Variants in NBEA observed in about 807,000 individuals in gnomAD.
NBEA encodes neurobeachin.
A neutral mutation model predicts 343.4 loss-of-function variants in NBEA; 44 were observed. The ratio of observed to expected loss-of-function variants is 0.13; its 90% CI spans 0.10 to 0.16. The LOEUF (loss-of-function observed/expected upper bound fraction) is 0.16, where lower values mean the gene tolerates loss of function less well. NBEA is among the 10% of genes least tolerant of loss of function. The pLI is 1.00. For synonymous variants in NBEA, 1,175 were observed against 1,238.7 expected (o/e 0.95, Z 1.08); for missense variants, 2,555 against 3,631.3 (o/e 0.70, Z 7.62).
intron 38 of NBEA, among the ~76,000 whole-genome samples, chr13:35,380,468 T>C (rs532181736): frequency 7.9e-5 from 12 of 152,034 alleles, no homozygotes; most frequent in African/African-American, 2.9e-4. Flanking sequence ...ATAATAATAA[T>C]AATAATTTGT....
chr13:35,213,428 A>C (rs1407848860), intron 33 of NBEA, among the ~76,000 whole-genome samples: 2 of 151,340 alleles, frequency 1.3e-5, no homozygotes, highest in African/African-American at 4.8e-5. Flanking sequence ...GGTATTCTTG[A>C]TGCTTTGCAT....
intron 38 of NBEA, among the ~76,000 whole-genome samples, chr13:35,366,330 G>A (rs576505353): frequency 5.3e-5 from 8 of 151,308 alleles, no homozygotes; most frequent in African/African-American, 1.9e-4. Context: ...TTTTCTAACA[G>A]ATAACACTTA....
chr13:35,111,844 C>T (rs980249147), intron 13 of NBEA, among the ~76,000 whole-genome samples: 2 of 151,032 alleles, frequency 1.3e-5, no homozygotes, highest in African/African-American at 4.9e-5. Flanking sequence ...CTTCCTTTTG[C>T]GTGCTCACAA....
intron 40 of NBEA, among the ~76,000 whole-genome samples, chr13:35,462,936 T>A (rs2046985974): frequency 6.6e-6 from 1 of 152,038 alleles, no homozygotes; most frequent in Admixed American, 6.6e-5. Flanking sequence ...CTTCTGTGGG[T>A]GGGAGATGAA....
chr13:35,637,187 C>A (rs1329809045), intron 49 of NBEA, among the ~76,000 whole-genome samples: 7 of 152,136 alleles, frequency 4.6e-5, no homozygotes, highest in Admixed American at 2.0e-4. Context: ...ACATGACCAA[C>A]AAGTATGTGC....
intron 38 of NBEA, among the ~76,000 whole-genome samples, chr13:35,426,099 C>A (rs2044652421): frequency 6.6e-6 from 1 of 152,156 alleles, no homozygotes; most frequent in Non-Finnish European, 1.5e-5. Flanking sequence ...GACTCTTTAT[C>A]CAATTTGCCA....
chr13:35,070,554 A>G (rs755210380), intron 9 of NBEA, among the ~76,000 whole-genome samples, 165 bp from the exon 10 acceptor site: 8 of 151,774 alleles, frequency 5.3e-5, no homozygotes, highest in Non-Finnish European at 1.0e-4. Flanking sequence ...AGTGATTAGC[A>G]AAGGTATTCA....
intron 47 of NBEA, among the ~76,000 whole-genome samples, chr13:35,604,972 C>T (rs1170575494): frequency 6.6e-6 from 1 of 152,184 alleles, no homozygotes; most frequent in African/African-American, 2.4e-5. Context: ...ACATCTGCCC[C>T]ACAGGCCAGA....
At chr13:35,419,720 C>T (rs1385619168) in intron 38 of NBEA, among the ~76,000 whole-genome samples, 2 of 151,594 alleles carry the variant, frequency 1.3e-5, no homozygotes, top group African/African-American at 4.8e-5. Flanking sequence ...TCTACCCCCA[C>T]CCCCCGAAAA....
chr13:35,466,501 A>G (rs955831865), intron 40 of NBEA, among the ~76,000 whole-genome samples: 2 of 152,142 alleles, frequency 1.3e-5, no homozygotes, highest in East Asian at 3.9e-4. Flanking sequence ...TTCCATGCAA[A>G]AAAAGTTCAG....
chr13:35,556,633 A>G (rs1207293024), intron 44 of NBEA, among the ~76,000 whole-genome samples: 1 of 152,094 alleles, frequency 6.6e-6, no homozygotes, highest in African/African-American at 2.4e-5. Flanking sequence ...TAGAGATATT[A>G]CATTTTTAAA....
At chr13:35,261,897 C>A (rs2033248205) in intron 34 of NBEA, among the ~76,000 whole-genome samples, 1 of 152,218 alleles carries the variant, frequency 6.6e-6, no homozygotes, top group East Asian at 1.9e-4. Context: ...GCAGGATTAA[C>A]ACAAATAAAA....
intron 30 of NBEA, among the ~76,000 whole-genome samples, chr13:35,192,942 A>G (rs988376245): frequency 3.9e-5 from 6 of 151,966 alleles, no homozygotes; most frequent in African/African-American, 1.4e-4. Flanking sequence ...GGAAAGTCAA[A>G]ACACTAGACC....
intron 10 of NBEA, among the ~76,000 whole-genome samples, chr13:35,096,140 G>A (rs983889356): frequency 2.0e-5 from 3 of 151,088 alleles, no homozygotes; most frequent in African/African-American, 7.3e-5. Context: ...GTACCTCTTC[G>A]AAGATGGCCA....
At chr13:35,052,137 A>T (rs569545320) in intron 6 of NBEA, among the ~76,000 whole-genome samples, 4 of 152,158 alleles carry the variant, frequency 2.6e-5, no homozygotes, top group Admixed American at 2.6e-4. Context: ...AAACCTTGAA[A>T]AGTCATAAAT....
intron 1 of NBEA, among the ~76,000 whole-genome samples, chr13:35,024,364 G>C (rs913732455): frequency 2.0e-5 from 3 of 152,102 alleles, no homozygotes; most frequent in Non-Finnish European, 2.9e-5. Context: ...CCAGTAATGG[G>C]ATTGCTGGGT....
intron 31 of NBEA, among the ~76,000 whole-genome samples, chr13:35,203,127 C>T (rs2073134104): frequency 6.6e-6 from 1 of 152,090 alleles, no homozygotes; most frequent in African/African-American, 2.4e-5. Context: ...CCAGAGTAGT[C>T]CTATTATAAC....
intron 48 of NBEA, among the ~76,000 whole-genome samples, 172 bp from the exon 49 acceptor site, chr13:35,627,909 G>A (rs547666680): frequency 1.7e-4 from 26 of 151,836 alleles, no homozygotes; most frequent in African/African-American, 6.3e-4. Context: ...TACTACTGAG[G>A]TAGTATTTTT....
At chr13:35,031,481 G>A (rs1049842638) in intron 1 of NBEA, among the ~76,000 whole-genome samples, 3 of 151,482 alleles carry the variant, frequency 2.0e-5, no homozygotes, top group Non-Finnish European at 4.4e-5. Flanking sequence ...AGAGGTATTC[G>A]ATTGGTGACT....
Sources: allele counts gnomAD v4.1 joint callset (sites outside exome capture counted in the v4.1 genomes callset), GRCh38; gene constraint gnomAD v4.1.1; transcripts MANE v1.5; gene names NCBI Gene and HGNC (gene_info 2026-07-23, HGNC 2026-07-21).